The following CPNE4 variants were observed in gnomAD, a reference collection of about 807,000 sequenced individuals.
The protein encoded by CPNE4 is copine-4.
Under a neutral mutation model 67.9 loss-of-function variants are expected in CPNE4, and 25 were observed. The ratio of observed to expected loss-of-function variants is 0.37; its 90% CI spans 0.27 to 0.51. The LOEUF is 0.51. CPNE4 is among the 20% of genes least tolerant of loss of function. The pLI is 0.93. For missense variants in CPNE4, 464 were observed against 690.8 expected (o/e 0.67, Z 3.68); for synonymous variants, 242 against 244.9 (o/e 0.99, Z 0.11).
chr3:131,671,443 A>C lies in CPNE4; in HGVS notation c.592-1679T>G, dbSNP rs1301640831. 2.1e-5 allele frequency among the ~76,000 whole-genome samples: 3 copies of C among 139,714 alleles called. No individual in the cohort carries two copies. In the East Asian group the frequency reaches 6.5e-4, roughly 30 times the overall value. The allele number at this position is 139,714 out of a possible 152,430, so 91.7% of individuals were successfully genotyped here. A position where few individuals can be genotyped will look rare whatever the true frequency, so the allele number is the denominator to read the frequency against. ...GAAGTTAAAATCTTTATGTGTATGT[A>C]TGTATGAGTGTACACATGTGTGTGT... On this transcript the variant is annotated intron_variant, in intron 6 of 15. Transcript: ENST00000429747.
chr3:131,877,055 C>T (rs1292148744), intron 2 of CPNE4, among the ~76,000 whole-genome samples: 1 of 151,718 alleles, frequency 6.6e-6, no homozygotes, highest in African/African-American at 2.4e-5. Context: ...TTGCCTTCCT[C>T]TGCTTTAGGA....
intron 1 of CPNE4, among the ~76,000 whole-genome samples, chr3:131,974,841 C>A (rs60302406): frequency 2.4e-3 from 370 of 152,208 alleles, no homozygotes; most frequent in African/African-American, 8.5e-3. Flanking sequence ...AACCCTGTCT[C>A]TACAAACAGT....
At chr3:131,641,380 A>G (rs1312886385) in intron 7 of CPNE4, among the ~76,000 whole-genome samples, 1 of 152,240 alleles carries the variant, frequency 6.6e-6, no homozygotes, top group East Asian at 1.9e-4. Context: ...TCAAAAGAAG[A>G]TATACAAATG....
chr3:131,839,598 T>C (rs933025658), intron 2 of CPNE4, among the ~76,000 whole-genome samples: 18 of 152,100 alleles, frequency 1.2e-4, no homozygotes, highest in African/African-American at 4.3e-4. Context: ...TATTCATTTA[T>C]ACATATATAG....
chr3:131,744,866 C>T (rs1461200645), intron 2 of CPNE4, among the ~76,000 whole-genome samples: 2 of 152,100 alleles, frequency 1.3e-5, no homozygotes, highest in East Asian at 1.9e-4. Flanking sequence ...CAGTTCTGGG[C>T]TACTGCAGAT....
chr3:131,722,748 A>C (rs547491646), intron 3 of CPNE4, among the ~76,000 whole-genome samples: 4 of 152,304 alleles, frequency 2.6e-5, no homozygotes, highest in East Asian at 3.9e-4. Flanking sequence ...TGACTCACTT[A>C]CTGCATTTCT....
intron 10 of CPNE4, among the ~76,000 whole-genome samples, chr3:131,569,700 GAGAA>G (rs1255328312): frequency 4.0e-5 from 6 of 149,950 alleles, no homozygotes; most frequent in Admixed American, 1.3e-4. Flanking sequence ...GAAAGAAAGA[GAGAA>G]AGAAAGAAAG....
At chr3:131,771,266 A>G (rs1181386605) in intron 2 of CPNE4, among the ~76,000 whole-genome samples, 5 of 152,060 alleles carry the variant, frequency 3.3e-5, no homozygotes, top group Admixed American at 6.6e-5. Context: ...TCGCTTTGTC[A>G]CCCATACAGC....
intron 2 of CPNE4, among the ~76,000 whole-genome samples, chr3:131,787,814 T>C (rs1226645523): frequency 1.3e-5 from 2 of 152,152 alleles, no homozygotes; most frequent in African/African-American, 2.4e-5. Context: ...CTGGAAACTA[T>C]GAATCTGAAG....
chr3:131,973,047 T>G (rs868431807), intron 1 of CPNE4, among the ~76,000 whole-genome samples: 24 of 152,150 alleles, frequency 1.6e-4, no homozygotes, highest in African/African-American at 5.3e-4. Context: ...ACCCCTTAAC[T>G]CACCTTTTTG....
intron 2 of CPNE4, among the ~76,000 whole-genome samples, chr3:131,759,624 G>A (rs201911484): frequency 0.023 from 21 of 920 alleles, no homozygotes; most frequent in Admixed American, 0.12. Flanking sequence ...AAAGTGTAGT[G>A]GGGGGTGAAA....
intron 3 of CPNE4, among the ~76,000 whole-genome samples, chr3:131,707,609 C>G (rs202217084): frequency 1.4e-3 from 219 of 152,316 alleles, no homozygotes; most frequent in Non-Finnish European, 2.7e-3. Context: ...TGAATCCAGA[C>G]AGTCCAGTTC....
intron 14 of CPNE4, among the ~76,000 whole-genome samples, chr3:131,543,783 A>G (rs1935656644): frequency 6.6e-6 from 1 of 152,218 alleles, no homozygotes; most frequent in Admixed American, 6.5e-5. Flanking sequence ...TAAGAGGGTC[A>G]GGGTTGCAGT....
intron 2 of CPNE4, among the ~76,000 whole-genome samples, chr3:131,738,135 C>G (rs2082281195): frequency 6.6e-6 from 1 of 152,264 alleles, no homozygotes; most frequent in African/African-American, 2.4e-5. Context: ...GATAGATATT[C>G]TGTGTGGCAG....
intron 1 of CPNE4, among the ~76,000 whole-genome samples, chr3:131,946,908 A>T (rs1194713192): frequency 6.6e-6 from 1 of 152,092 alleles, no homozygotes; most frequent in Non-Finnish European, 1.5e-5. Flanking sequence ...CCAGCTTTAT[A>T]CTTTTGTATG....
At chr3:131,862,041 A>G (rs12631442) in intron 2 of CPNE4, among the ~76,000 whole-genome samples, 60,318 of 152,018 alleles carry the variant, frequency 0.4, 12,260 homozygotes, top group Admixed American at 0.47. Flanking sequence ...AGACACAGAT[A>G]TTACCCAGGG....
At chr3:131,855,206 C>T (rs1323293367) in intron 2 of CPNE4, among the ~76,000 whole-genome samples, 1 of 151,944 alleles carries the variant, frequency 6.6e-6, no homozygotes, top group Non-Finnish European at 1.5e-5. Flanking sequence ...CTCCTTTGGG[C>T]CCCATGGTAC....
rs1436126803 is a variant in CPNE4, at chr3:131,730,589, T to G, written c.181-6964A>C. On this transcript the variant is annotated intron_variant, in intron 2 of 15. Coordinates refer to ENST00000429747, the MANE Select transcript of CPNE4 (RefSeq NM_130808.3). Reference sequence around the variant, plus strand: ...AACTTAGGATAAGGTCATACTGGAGTATGGTCGGTTTCTGATTTGATATGA... The same window carrying G: ...AACTTAGGATAAGGTCATACTGGAGGATGGTCGGTTTCTGATTTGATATGA... 2.6e-5 allele frequency among the ~76,000 whole-genome samples: 4 copies of G among 152,110 alleles called. No homozygotes were observed. In the East Asian group the frequency reaches 7.7e-4, roughly 29 times the overall value.
chr3:131,646,677 C>T (rs536668246), intron 7 of CPNE4, among the ~76,000 whole-genome samples: 1 of 152,254 alleles, frequency 6.6e-6, no homozygotes, highest in Admixed American at 6.5e-5. Context: ...ACATTGCATG[C>T]CTGCAACAAA....
Sources: gnomAD v4.1 joint callset for allele counts (sites outside exome capture counted in the v4.1 genomes callset) on GRCh38, gnomAD v4.1.1 for gene constraint, MANE v1.5 for transcripts, NCBI Gene and HGNC (gene_info 2026-07-23, HGNC 2026-07-21) for gene names.